RAI14: variants seen among roughly 807,000 people sequenced by gnomAD.
RAI14 encodes the protein retinoic acid induced 14.
In RAI14, 45 loss-of-function variants were observed where a neutral mutation model predicts 115.4. The observed-to-expected ratio is 0.39, with a 90% CI of 0.31 to 0.50. The LOEUF is 0.50. Ranked by LOEUF, RAI14 falls within the 20% of genes least tolerant of loss-of-function variation. RAI14 has a pLI of 0.85. For synonymous variants in RAI14, 371 were observed against 415.4 expected, an observed-to-expected ratio of 0.89 and a Z score of 1.30; for missense variants, 939 against 1,131.2, an observed-to-expected ratio of 0.83 and a Z score of 2.44.
intron 2 of RAI14, among the ~76,000 whole-genome samples, chr5:34,720,926 A>G (rs1362720512): frequency 6.6e-6 from 1 of 151,744 alleles, no homozygotes; most frequent in African/African-American, 2.4e-5. Flanking sequence ...CCTGGGCTCA[A>G]GTAATCCTCC....
At position 34,830,804 on chromosome 5, in the gene RAI14, T is replaced by C; in HGVS notation, c.*39T>C. 2 of 1,612,784 alleles carry C rather than the reference T, an allele frequency of 1.2e-6. No homozygotes were observed. The highest frequency in any genetic ancestry group is 1.7e-6 in the Non-Finnish European group (2 of 1,179,242). ...GCAGGACACTGCCCCTTGTCATCTGTCTTTGTGTTAGATCCAGAGTTGTCG... is the reference window on the plus strand; with the variant it reads ...GCAGGACACTGCCCCTTGTCATCTGCCTTTGTGTTAGATCCAGAGTTGTCG... On this transcript the variant is annotated 3_prime_UTR_variant, in exon 18 of 18. Transcript: ENST00000265109.
chr5:34,800,978 A>T (rs1754190556), intron 4 of RAI14, among the ~76,000 whole-genome samples: 3 of 152,224 alleles, frequency 2.0e-5, no homozygotes, highest in African/African-American at 7.2e-5. Context: ...TTGTCCACAG[A>T]AACAGTGGTA....
chr5:34,791,340 CG>C lies in RAI14; in HGVS notation c.168-4596del, dbSNP rs372541800. Among the ~76,000 whole-genome samples, 342 of 152,196 alleles carry C rather than the reference CG, an allele frequency of 2.2e-3. 1 individual carries two copies. The highest frequency in any genetic ancestry group is 7.9e-3 in the African/African-American group (328 of 41,530). On this transcript the variant is annotated intron_variant, in intron 3 of 17. Transcript: ENST00000265109. The surrounding 1 kb of genome is among the most constrained non-coding windows in gnomAD (Gnocchi z 5.4). Reference sequence around the variant, plus strand: ...GAGGTGTATTCTTGAACCCTTTAAACGGGTCTCTACTTTGGCCTAAGACCAT... The same window carrying C: ...GAGGTGTATTCTTGAACCCTTTAAACGGTCTCTACTTTGGCCTAAGACCAT...
At chr5:34,829,099 A>G (rs1329863447) in intron 16 of RAI14, among the ~76,000 whole-genome samples, 1 of 152,058 alleles carries the variant, frequency 6.6e-6, no homozygotes, top group African/African-American at 2.4e-5. Flanking sequence ...CTGTATTTGC[A>G]TAAGTATATG....
Position 34,822,664 on chromosome 5 carries a change from CTTTTTTTTTTTTTTTTTTTTT to C in RAI14, c.1114-275_1114-255del, listed in dbSNP as rs143092935. The stretch of plus-strand genomic sequence containing the variant: ...GCTTAGCTAACCACGCCTTTGGTAT[CTTTTTTTTTTTTTTTTTTTTT>C]TTTTTTTTTTTTTTTTGAGACGGAG... On this transcript the variant is annotated intron_variant, in intron 14 of 17. Transcript: ENST00000265109. Among the ~76,000 whole-genome samples the C allele has an allele frequency of 6.6e-3, 316 of 47,568 alleles. 20 individuals are homozygous for C. The East Asian group carries it at 0.2, about 30-fold the overall frequency. The allele number at this position is 47,568 out of a possible 152,430, so 31.2% of individuals were successfully genotyped here.
At chr5:34,776,745 T>A (rs1415307354) in intron 3 of RAI14, among the ~76,000 whole-genome samples, 1 of 140,690 alleles carries the variant, frequency 7.1e-6, no homozygotes, top group Non-Finnish European at 1.6e-5. Flanking sequence ...AGATTGAGGC[T>A]GTGGTGAGCC....
chr5:34,714,916 A>G (rs951262792), intron 2 of RAI14, among the ~76,000 whole-genome samples: 2 of 152,124 alleles, frequency 1.3e-5, no homozygotes, highest in African/African-American at 2.4e-5. Context: ...TCCTCGGTCT[A>G]CCTGCCCACC....
chr5:34,658,064 C>T (rs1742420128), intron 1 of RAI14, among the ~76,000 whole-genome samples: 1 of 152,130 alleles, frequency 6.6e-6, no homozygotes, highest in Non-Finnish European at 1.5e-5. Flanking sequence ...AGAGCTATCC[C>T]GTGCTGGGCT....
chr5:34,811,973 T>C, intron 9 of RAI14, 28 bp downstream of exon 9: 1 of 1,569,734 alleles, frequency 6.4e-7, no homozygotes, highest in South Asian at 1.1e-5. Context: ...GCCAATGTTG[T>C]TTTAAGTTTA....
At chr5:34,690,430 C>A (rs1029039462) in intron 2 of RAI14, among the ~76,000 whole-genome samples, 2 of 152,178 alleles carry the variant, frequency 1.3e-5, no homozygotes, top group Admixed American at 6.5e-5. Flanking sequence ...TTCAGCCAGC[C>A]TGTGTCTGGG....
At chr5:34,799,162 T>C (rs1367332489) in intron 4 of RAI14, among the ~76,000 whole-genome samples, 1 of 152,208 alleles carries the variant, frequency 6.6e-6, no homozygotes, top group Non-Finnish European at 1.5e-5. Flanking sequence ...TGCCCATGCC[T>C]GTGTCTTACC....
rs763647957 is a variant in RAI14, at chr5:34,821,716, C to T, written c.995-16C>T. 14 of 1,397,136 alleles carry T rather than the reference C, an allele frequency of 1.0e-5. No homozygotes were observed. The highest frequency in any genetic ancestry group is 1.3e-5 in the Non-Finnish European group (13 of 986,110). 86.5% of individuals were successfully genotyped at this position (1,397,136 alleles called of 1,614,324 possible). On this transcript the variant is annotated splice_polypyrimidine_tract_variant and intron_variant, in intron 13 of 17. Coordinates refer to ENST00000265109, the MANE Select transcript of RAI14 (RefSeq NM_015577.3). ...TTTAATTGTTTTATATTTTAAATGG[C>T]TTTCTCTTTCCCAAGGTGCTGATAG... is the stretch of plus-strand genomic sequence containing the variant.
chr5:34,685,521 A>G (rs371573389), intron 1 of RAI14, among the ~76,000 whole-genome samples: 1 of 152,126 alleles, frequency 6.6e-6, no homozygotes, highest in African/African-American at 2.4e-5. Context: ...ATTCATTGCT[A>G]AGAAATTCAT....
rs761402081 is a variant in RAI14 at position 34,821,849 on chromosome 5, A to C, written c.1112A>C (p.Gln371Pro). The C allele has an allele frequency of 1.8e-5, 27 of 1,505,790 alleles. No individual in the cohort carries two copies. In the African/African-American group the frequency reaches 3.6e-4, roughly 20 times the overall value. 93.3% of individuals were successfully genotyped at this position (1,505,790 alleles called of 1,614,324 possible). A position where few individuals can be genotyped will look rare whatever the true frequency, so the allele number is the denominator to read the frequency against. The change falls in exon 14 of 18, where the codon CAG becomes CCG. Residue 371 changes from glutamine to proline, a missense_variant and splice_region_variant. By Grantham distance (76) the Gln-to-Pro change is moderately conservative. Coordinates refer to ENST00000265109, the MANE Select transcript of RAI14 (RefSeq NM_015577.3). ...LHNKELQDKL[Q>P]AKSPKEAEAD... ...AATAAGGAGTTACAAGATAAATTAC[A>C]GGTATATAAATAGATTGCTATCATG...
chr5:34,716,407 G>T (rs1381937661), intron 2 of RAI14, among the ~76,000 whole-genome samples: 1 of 151,786 alleles, frequency 6.6e-6, no homozygotes, highest in Non-Finnish European at 1.5e-5. Context: ...CAAGTTTTGG[G>T]TTAATTTTTT....
At chr5:34,764,009 A>G (rs144807988) in intron 3 of RAI14, among the ~76,000 whole-genome samples, 2,162 of 152,054 alleles carry the variant, frequency 0.014, 46 homozygotes, top group African/African-American at 0.049. Flanking sequence ...CCACCACCAC[A>G]CCTGGCTAAT....
chr5:34,831,695 C>G lies in RAI14; in HGVS notation c.*930C>G, dbSNP rs1191357425. The stretch of plus-strand genomic sequence containing the variant: ...TACAGTAGATTATATTAACAAAATA[C>G]TTTTTAGGTAGCCATGCTTGAGACT... On this transcript the variant is annotated 3_prime_UTR_variant, in exon 18 of 18. Coordinates refer to ENST00000265109, the MANE Select transcript of RAI14 (RefSeq NM_015577.3). 1 of 152,120 alleles carries G rather than the reference C, an allele frequency of 6.6e-6. No individual in the cohort carries two copies. The highest frequency in any genetic ancestry group is 1.5e-5 in the Non-Finnish European group (1 of 68,026). The allele number at this position is 152,120 out of a possible 1,614,324, so 9.4% of individuals were successfully genotyped here. A position where few individuals can be genotyped will look rare whatever the true frequency, so the allele number is the denominator to read the frequency against.
intron 2 of RAI14, among the ~76,000 whole-genome samples, chr5:34,734,246 T>A (rs114511606): frequency 0.16 from 23,937 of 152,148 alleles, 2,334 homozygotes; most frequent in Non-Finnish European, 0.2. Context: ...GTCAGTGAAC[T>A]GGGGGGGCTG....
At chr5:34,813,459 A>G (rs1580344498) in intron 10 of RAI14, 115 bp from the exon 11 acceptor site, 1 of 600,618 alleles carries the variant, frequency 1.7e-6, no homozygotes, top group Admixed American at 3.4e-5. Context: ...ATTTTGATAA[A>G]GTAAGAAATG....
Sources: allele counts gnomAD v4.1 joint callset (sites outside exome capture counted in the v4.1 genomes callset), GRCh38; gene constraint gnomAD v4.1.1; non-coding constraint Gnocchi (gnomAD v3.1); transcripts MANE v1.5; gene names NCBI Gene and HGNC (gene_info 2026-07-23, HGNC 2026-07-21).